The following MEGF6 variants were observed in gnomAD, a reference collection of about 807,000 sequenced individuals.
The protein encoded by MEGF6 is multiple EGF like domains 6, also known as multiple epidermal growth factor-like domains protein 6.
Under a neutral mutation model 207.1 loss-of-function variants are expected in MEGF6, and 184 were observed. The ratio of observed to expected loss-of-function variants is 0.89; its 90% CI spans 0.79 to 1.00. The LOEUF (loss-of-function observed/expected upper bound fraction) is 1.00. MEGF6 is among the 50% of genes least tolerant of loss of function. The pLI is 0.00. For synonymous variants in MEGF6, 1,038 were observed against 910.0 expected (o/e 1.14, Z -2.53); for missense variants, 2,282 against 2,202.9 (o/e 1.04, Z -0.72).
At chr1:3,583,158 G>C (rs965027949) in intron 3 of MEGF6, among the ~76,000 whole-genome samples, 7 of 152,168 alleles carry the variant, frequency 4.6e-5, no homozygotes, top group African/African-American at 1.7e-4. Flanking sequence ...ATACTACGAG[G>C]CTCTAAAACA....
In MEGF6 at chr1:3,556,384, C is replaced by T. The variant is rs1013199095; in HGVS notation, c.481+23441G>A. Among the ~76,000 whole-genome samples, 4 of 152,236 alleles carry T rather than the reference C, an allele frequency of 2.6e-5. No individual in the cohort carries two copies. Among genetic ancestry groups the T allele is most frequent in the Non-Finnish European group, 2.9e-5 (2 of 68,042 alleles). ...TTACATGAAGTTTCATGGTAAGTGGCGCATCCAAAACCGCCGGCTGGCTGA... is the reference window on the plus strand; with the variant it reads ...TTACATGAAGTTTCATGGTAAGTGGTGCATCCAAAACCGCCGGCTGGCTGA... On this transcript the variant is annotated intron_variant, in intron 4 of 36. Transcript: ENST00000356575. The surrounding 1 kb of genome is among the most constrained non-coding windows in gnomAD (Gnocchi z 4.4).
chr1:3,622,496 AC>A, the MEGF6 span, among the ~76,000 whole-genome samples: 10 of 152,234 alleles, frequency 6.6e-5, no homozygotes, highest in Admixed American at 3.3e-4. Context: ...GGGAAAACAA[AC>A]AAACACAGTG....
At chr1:3,559,791 C>T (rs1018579972) in intron 4 of MEGF6, among the ~76,000 whole-genome samples, 1 of 152,096 alleles carries the variant, frequency 6.6e-6, no homozygotes, top group Admixed American at 6.5e-5. Flanking sequence ...GCGGGCAAAT[C>T]ACGAGGTCAG....
intron 3 of MEGF6, among the ~76,000 whole-genome samples, chr1:3,585,071 TGTGTGA>T (rs1418783540): frequency 2.7e-5 from 4 of 147,126 alleles, no homozygotes; most frequent in African/African-American, 9.8e-5. Flanking sequence ...ACGTGTCCTA[TGTGTGA>T]GTGTGAGTGA....
At chr1:3,548,975 G>A (rs972412067) in intron 4 of MEGF6, among the ~76,000 whole-genome samples, 4 of 152,178 alleles carry the variant, frequency 2.6e-5, no homozygotes, top group African/African-American at 9.6e-5. Flanking sequence ...CCCTCACTGA[G>A]GCTGCAATCG....
At chr1:3,591,379 C>T (rs1010234970) in intron 3 of MEGF6, among the ~76,000 whole-genome samples, 4 of 152,126 alleles carry the variant, frequency 2.6e-5, no homozygotes, top group Non-Finnish European at 4.4e-5. Flanking sequence ...CCAAGGTGCC[C>T]GATCACCATG....
chr1:3,555,149 G>A (rs1254279696), intron 4 of MEGF6, among the ~76,000 whole-genome samples: 1 of 152,106 alleles, frequency 6.6e-6, no homozygotes, highest in Non-Finnish European at 1.5e-5. Flanking sequence ...AGAAGCACAG[G>A]TGGTCCCCAC....
chr1:3,518,393 C>T (rs908126705), intron 5 of MEGF6, among the ~76,000 whole-genome samples: 4 of 152,180 alleles, frequency 2.6e-5, no homozygotes, highest in Non-Finnish European at 5.9e-5. Context: ...GGAGGCGGCA[C>T]CACCCAGGAT....
At chr1:3,600,816 C>A (rs1244425129) in intron 2 of MEGF6, among the ~76,000 whole-genome samples, 1 of 152,178 alleles carries the variant, frequency 6.6e-6, no homozygotes, top group African/African-American at 2.4e-5. Flanking sequence ...GGACGCCCAT[C>A]CCCCCGGCAC....
intron 4 of MEGF6, among the ~76,000 whole-genome samples, chr1:3,542,618 G>A (rs143911445): frequency 2.2e-3 from 338 of 152,340 alleles, no homozygotes; most frequent in African/African-American, 7.3e-3. Context: ...TCTGTCCGGG[G>A]TTTCTCTGCA....
intron 4 of MEGF6, among the ~76,000 whole-genome samples, chr1:3,576,014 G>C (rs180761327): frequency 7.4e-4 from 113 of 152,360 alleles, no homozygotes; most frequent in African/African-American, 2.5e-3. Flanking sequence ...ACAGAAGGGG[G>C]ACTGGGGTCC....
chr1:3,586,851 A>C (rs1052332323), intron 3 of MEGF6, among the ~76,000 whole-genome samples: 2 of 152,170 alleles, frequency 1.3e-5, no homozygotes, highest in Admixed American at 6.5e-5. Context: ...TGATGGTCCA[A>C]CAGCTGGACA....
chr1:3,505,395 G>GCC, intron 16 of MEGF6, 27 bp downstream of exon 16: 1 of 1,562,694 alleles, frequency 6.4e-7, no homozygotes, highest in African/African-American at 1.5e-5. Context: ...GGCGCCCCCC[G>GCC]CCCCCAGACC....
chr1:3,496,962 C>T, intron 28 of MEGF6, 26 bp downstream of exon 28: 1 of 1,546,514 alleles, frequency 6.5e-7, no homozygotes. Context: ...CTGCCGAGTC[C>T]CTGGGTGGGC....
At chr1:3,603,579 G>A (rs558574572) in intron 1 of MEGF6, among the ~76,000 whole-genome samples, 48 of 152,122 alleles carry the variant, frequency 3.2e-4, no homozygotes, top group African/African-American at 1.2e-3. Flanking sequence ...GTGCGGGCCG[G>A]TGTCTCCCCT....
chr1:3,530,560 C>G (rs867844272), intron 4 of MEGF6, among the ~76,000 whole-genome samples: 5 of 152,174 alleles, frequency 3.3e-5, no homozygotes, highest in Admixed American at 6.5e-5. Context: ...AGAGGCAGGA[C>G]GGAACGAGAG....
chr1:3,558,722 C>A (rs190402705), intron 4 of MEGF6, among the ~76,000 whole-genome samples: 1 of 152,198 alleles, frequency 6.6e-6, no homozygotes, highest in Non-Finnish European at 1.5e-5. Flanking sequence ...GTGATGGATG[C>A]GAGCAGCACC....
chr1:3,490,719 C>T, intron 36 of MEGF6, 130 bp from the exon 37 acceptor site: 1 of 1,149,998 alleles, frequency 8.7e-7, no homozygotes, highest in South Asian at 1.4e-5. Context: ...TGGGTGGGGC[C>T]CACCCATCCT....
chr1:3,490,778 CCA>C, intron 36 of MEGF6, 132 bp downstream of exon 36: 1 of 1,308,156 alleles, frequency 7.6e-7, no homozygotes, highest in Admixed American at 2.0e-5. Flanking sequence ...TCTCTGAGCT[CCA>C]GATTCCTGGG....
Sources: gnomAD v4.1 joint callset for allele counts (sites outside exome capture counted in the v4.1 genomes callset) on GRCh38, gnomAD v4.1.1 for gene constraint, Gnocchi (gnomAD v3.1) non-coding constraint, MANE v1.5 for transcripts, NCBI Gene and HGNC (gene_info 2026-07-23, HGNC 2026-07-21) for gene names.